Variants in MDGA2 observed in about 807,000 individuals in gnomAD.
MDGA2 encodes the protein MAM domain containing glycosylphosphatidylinositol anchor 2, also known as MAM domain-containing glycosylphosphatidylinositol anchor protein 2.
MDGA2 carries 40 observed loss-of-function variants against 117.8 expected under a neutral mutation model. That is an observed-to-expected ratio of 0.34 (90% CI 0.26 to 0.44). The LOEUF (loss-of-function observed/expected upper bound fraction) is 0.44, where lower values mean the gene tolerates loss of function less well. Among genes scored for constraint, MDGA2 ranks in the 20% least tolerant of loss-of-function variants. The pLI is 1.00. For synonymous variants in MDGA2, 452 were observed against 439.0 expected, an observed-to-expected ratio of 1.03 and a Z score of -0.37; for missense variants, 1,123 against 1,250.6, an observed-to-expected ratio of 0.90 and a Z score of 1.54.
chr14:47,361,352 G>C (rs1453523601), intron 1 of MDGA2, among the ~76,000 whole-genome samples: 1 of 151,924 alleles, frequency 6.6e-6, no homozygotes, highest in Non-Finnish European at 1.5e-5. Flanking sequence ...TCAGAAGAAA[G>C]CAACCCTGCC....
rs148363545 is a variant in MDGA2, at chr14:46,951,639, A to G, written c.2089+5735T>C. Among the ~76,000 whole-genome samples the G allele has an allele frequency of 3.4e-3, 520 of 152,030 alleles. 1 individual carries two copies. The highest frequency in any genetic ancestry group is 0.01 in the Middle Eastern group (3 of 294). ...AGGGTAGCTCCAGCAAATAACCAGC[A>G]AATACCAGGGCCTCTATCATACAAC... is the stretch of plus-strand genomic sequence containing the variant. On this transcript the variant is annotated intron_variant, in intron 9 of 16. Coordinates refer to ENST00000399232, the MANE Select transcript of MDGA2 (RefSeq NM_001113498.3).
intron 1 of MDGA2, among the ~76,000 whole-genome samples, chr14:47,304,409 T>C (rs1370053166): frequency 2.0e-5 from 3 of 152,170 alleles, no homozygotes; most frequent in Non-Finnish European, 4.4e-5. Flanking sequence ...ATTAGTGTTC[T>C]AAATAACTCC....
At chr14:47,213,352 CTGTT>C (rs982129081) in intron 3 of MDGA2, among the ~76,000 whole-genome samples, 26 of 152,066 alleles carry the variant, frequency 1.7e-4, no homozygotes, top group African/African-American at 4.3e-4. Flanking sequence ...AAAATAAAAA[CTGTT>C]TGGACATTTT....
chr14:47,215,997 T>C (rs986946018), intron 3 of MDGA2, among the ~76,000 whole-genome samples: 1 of 152,056 alleles, frequency 6.6e-6, no homozygotes, highest in South Asian at 2.1e-4. Flanking sequence ...GAGTCAAACT[T>C]TAGAAGGCTA....
In MDGA2 at chr14:47,056,281, A is replaced by G. The variant is rs557092249; in HGVS notation, c.1525+4968T>C. Reference sequence around the variant, plus strand: ...TTCTTGTGTACTGTAGTCCTGTGTTATCAACAACTTTCATTTTGCAGATGT... The same window carrying G: ...TTCTTGTGTACTGTAGTCCTGTGTTGTCAACAACTTTCATTTTGCAGATGT... On this transcript the variant is annotated intron_variant, in intron 7 of 16. Coordinates refer to ENST00000399232, the MANE Select transcript of MDGA2 (RefSeq NM_001113498.3). 7.9e-5 allele frequency among the ~76,000 whole-genome samples: 12 copies of G among 152,180 alleles called. No individual in the cohort carries two copies. In the East Asian group the frequency reaches 1.9e-3, roughly 25 times the overall value.
chr14:47,427,167 T>C (rs1401405033), intron 1 of MDGA2, among the ~76,000 whole-genome samples: 2 of 152,150 alleles, frequency 1.3e-5, no homozygotes, highest in South Asian at 2.1e-4. Context: ...TAAAATGGCA[T>C]ACAAGGCCAT....
At chr14:47,371,802 T>C (rs1891365077) in intron 1 of MDGA2, among the ~76,000 whole-genome samples, 1 of 151,836 alleles carries the variant, frequency 6.6e-6, no homozygotes, top group South Asian at 2.1e-4. Flanking sequence ...AGATGATTTA[T>C]GTTATAACAT....
chr14:47,123,187 G>A (rs1378336604), intron 5 of MDGA2, among the ~76,000 whole-genome samples: 1 of 151,662 alleles, frequency 6.6e-6, no homozygotes, highest in Non-Finnish European at 1.5e-5. Context: ...TAGTTTATGG[G>A]GTATATTTAT....
chr14:47,417,840 A>T (rs1892504449), intron 1 of MDGA2, among the ~76,000 whole-genome samples: 1 of 151,986 alleles, frequency 6.6e-6, no homozygotes, highest in Admixed American at 6.6e-5. Context: ...CTGCCTCCTG[A>T]GTAGCTGGGA....
At chr14:47,171,806 G>C (rs568041299) in intron 3 of MDGA2, among the ~76,000 whole-genome samples, 4 of 152,168 alleles carry the variant, frequency 2.6e-5, no homozygotes, top group Non-Finnish European at 5.9e-5. Flanking sequence ...AGGACAGTGG[G>C]TGCAGCACAC....
At chr14:47,258,058 C>CT (rs1222306619) in intron 2 of MDGA2, among the ~76,000 whole-genome samples, 1 of 152,178 alleles carries the variant, frequency 6.6e-6, no homozygotes. Context: ...TATGAAAGCA[C>CT]TGCCTTCTTT....
At chr14:47,499,005 A>ATT (rs146347142) in intron 1 of MDGA2, among the ~76,000 whole-genome samples, 9 of 151,860 alleles carry the variant, frequency 5.9e-5, no homozygotes. Context: ...CTATTCTGGC[A>ATT]TTTTTTTTAT....
At chr14:47,291,740 A>G (rs1463328087) in intron 2 of MDGA2, among the ~76,000 whole-genome samples, 2 of 152,210 alleles carry the variant, frequency 1.3e-5, no homozygotes, top group African/African-American at 2.4e-5. Flanking sequence ...GGAAACAGTC[A>G]AATTTCAAAA....
intron 1 of MDGA2, among the ~76,000 whole-genome samples, chr14:47,461,069 G>C (rs1326153828): frequency 6.6e-6 from 1 of 152,090 alleles, no homozygotes; most frequent in Non-Finnish European, 1.5e-5. Flanking sequence ...TTGTACAAGT[G>C]TAAAACTGCT....
intron 1 of MDGA2, among the ~76,000 whole-genome samples, chr14:47,513,517 A>G (rs1894686480): frequency 6.6e-6 from 1 of 152,082 alleles, no homozygotes; most frequent in Non-Finnish European, 1.5e-5. Context: ...GCATTTCACT[A>G]GCAATTTTTA....
At chr14:47,460,307 GA>G (rs1001004359) in intron 1 of MDGA2, among the ~76,000 whole-genome samples, 74 of 151,632 alleles carry the variant, frequency 4.9e-4, no homozygotes, top group Admixed American at 6.6e-4. Context: ...ATACACGAAG[GA>G]AAAAAAGAGT....
intron 2 of MDGA2, among the ~76,000 whole-genome samples, chr14:47,284,770 A>C (rs931524119): frequency 6.7e-6 from 1 of 150,346 alleles, no homozygotes; most frequent in African/African-American, 2.4e-5. Context: ...ACCAAGGTTA[A>C]TGCTCTCCTG....
chr14:47,145,017 CA>C (rs1236879872), intron 3 of MDGA2, among the ~76,000 whole-genome samples: 2 of 151,722 alleles, frequency 1.3e-5, no homozygotes, highest in African/African-American at 4.8e-5. Context: ...TTAAAAATTA[CA>C]AATGATTAGA....
At chr14:47,200,377 A>T (rs1885448258) in intron 3 of MDGA2, among the ~76,000 whole-genome samples, 1 of 152,070 alleles carries the variant, frequency 6.6e-6, no homozygotes. Context: ...AAAGAATATC[A>T]TATTTCTAAA....
Sources: gnomAD v4.1 joint callset for allele counts (sites outside exome capture counted in the v4.1 genomes callset) on GRCh38, gnomAD v4.1.1 for gene constraint, MANE v1.5 for transcripts, NCBI Gene and HGNC (gene_info 2026-07-23, HGNC 2026-07-21) for gene names.